MLLT3: variants seen among roughly 807,000 people sequenced by gnomAD.
MLLT3 encodes the protein protein AF-9.
Under a neutral mutation model 53.2 loss-of-function variants are expected in MLLT3, and 4 were observed. That is an observed-to-expected ratio of 0.08 (90% CI 0.04 to 0.17). The LOEUF (loss-of-function observed/expected upper bound fraction) is 0.17, where lower values mean the gene tolerates loss of function less well. Among genes scored for constraint, MLLT3 ranks in the 10% least tolerant of loss-of-function variants. The pLI is 1.00. For synonymous variants in MLLT3, 283 were observed against 230.6 expected, an observed-to-expected ratio of 1.23 and a Z score of -2.06; for missense variants, 569 against 684.0, an observed-to-expected ratio of 0.83 and a Z score of 1.87.
chr9:20,443,203 A>T (rs1229845072), intron 4 of MLLT3, among the ~76,000 whole-genome samples: 1 of 152,122 alleles, frequency 6.6e-6, no homozygotes, highest in Non-Finnish European at 1.5e-5. Flanking sequence ...CCCATAAAAA[A>T]CAACAGAACC....
At chr9:20,575,997 T>C (rs1318671525) in intron 2 of MLLT3, among the ~76,000 whole-genome samples, 1 of 152,202 alleles carries the variant, frequency 6.6e-6, no homozygotes, top group Non-Finnish European at 1.5e-5. Flanking sequence ...TCACCTACAT[T>C]GAAAATCTGT....
intron 2 of MLLT3, among the ~76,000 whole-genome samples, chr9:20,489,636 T>C (rs778432825): frequency 6.6e-6 from 1 of 152,158 alleles, no homozygotes; most frequent in Non-Finnish European, 1.5e-5. Flanking sequence ...ACAACCTATC[T>C]TCAAATACAA....
chr9:20,618,093 T>A (rs1820882585), intron 2 of MLLT3, among the ~76,000 whole-genome samples: 1 of 152,200 alleles, frequency 6.6e-6, no homozygotes, highest in South Asian at 2.1e-4. Flanking sequence ...TGATTTAGAT[T>A]GTCACTATAG....
chr9:20,540,601 G>A (rs540622740), intron 2 of MLLT3, among the ~76,000 whole-genome samples: 2 of 152,332 alleles, frequency 1.3e-5, no homozygotes, highest in South Asian at 4.1e-4. Flanking sequence ...GAGCAGCTGG[G>A]ACACAGGGTG....
chr9:20,608,053 G>C (rs1478497171), intron 2 of MLLT3, among the ~76,000 whole-genome samples: 1 of 151,848 alleles, frequency 6.6e-6, no homozygotes, highest in African/African-American at 2.4e-5. Flanking sequence ...ATCCAAAAAG[G>C]ACCACTTCTT....
At chr9:20,572,152 TAA>T (rs1485647543) in intron 2 of MLLT3, among the ~76,000 whole-genome samples, 1 of 152,004 alleles carries the variant, frequency 6.6e-6, no homozygotes, top group Admixed American at 6.6e-5. Flanking sequence ...ATGTGGAATC[TAA>T]AAAGTCAAAC....
intron 2 of MLLT3, among the ~76,000 whole-genome samples, chr9:20,563,351 A>C (rs370563736): frequency 1.3e-5 from 2 of 152,006 alleles, no homozygotes; most frequent in Non-Finnish European, 2.9e-5. Context: ...CCTTTTATTC[A>C]CTATCTAATC....
At chr9:20,436,326 TAA>T (rs1823402900) in intron 4 of MLLT3, among the ~76,000 whole-genome samples, 1 of 152,206 alleles carries the variant, frequency 6.6e-6, no homozygotes, top group South Asian at 2.1e-4. Context: ...ATGCTGGCTT[TAA>T]AAAGTTTAGG....
rs549308006 is a variant in MLLT3 at position 20,589,780 on chromosome 9, G to A, written c.193+30874C>T. Among the ~76,000 whole-genome samples, 22 of 149,684 alleles carry A rather than the reference G, an allele frequency of 1.5e-4. No homozygotes were observed. In the South Asian group the frequency reaches 2.5e-3, roughly 17 times the overall value. ...GGCTGGAGCACAGTGGTGCAATCTC[G>A]GCTCACTGCAACCTCTGCCTCCTGA... On this transcript the variant is annotated intron_variant, in intron 2 of 10. Coordinates refer to ENST00000380338, the MANE Select transcript of MLLT3 (RefSeq NM_004529.4).
chr9:20,436,406 A>C (rs954869012), intron 4 of MLLT3, among the ~76,000 whole-genome samples: 2 of 152,192 alleles, frequency 1.3e-5, no homozygotes, highest in African/African-American at 2.4e-5. Context: ...GAAATACAGG[A>C]AACTTTAGTC....
intron 2 of MLLT3, among the ~76,000 whole-genome samples, chr9:20,617,139 A>G (rs959718429): frequency 6.6e-6 from 1 of 152,202 alleles, no homozygotes; most frequent in Non-Finnish European, 1.5e-5. Context: ...ATCTATCAGA[A>G]CAGTCACTCA....
intron 8 of MLLT3, among the ~76,000 whole-genome samples, chr9:20,358,909 C>G (rs771523262): frequency 1.2e-4 from 19 of 152,100 alleles, no homozygotes; most frequent in Non-Finnish European, 5.9e-5. Context: ...GTAATCCCAG[C>G]ACTTTGTGAG....
Position 20,414,436 on chromosome 9 carries a change from G to A in MLLT3, c.421-11C>T. On this transcript the variant is annotated splice_polypyrimidine_tract_variant and intron_variant, in intron 4 of 10. Transcript: ENST00000380338. ...ACTCCTATTAGGGTCCTGCAAAAAG[G>A]GGAGAAGAAAATGAAACTCCCAAAA... The A allele has an allele frequency of 6.2e-7, 1 of 1,603,494 alleles. No homozygotes were observed. Among genetic ancestry groups the A allele is most frequent in the South Asian group, 1.1e-5 (1 of 90,860 alleles).
In MLLT3 at chr9:20,448,049, C is replaced by G. The variant is rs1823747512; in HGVS notation, c.420+74G>C. ...CTTATACTTTTTAACACATGAGGAACTAGTTTGTTTGTTTTTTTTTTTGTT... is the reference window on the plus strand; with the variant it reads ...CTTATACTTTTTAACACATGAGGAAGTAGTTTGTTTGTTTTTTTTTTTGTT... On this transcript the variant is annotated intron_variant, in intron 4 of 10. Coordinates refer to ENST00000380338, the MANE Select transcript of MLLT3 (RefSeq NM_004529.4). This position sits in a 1 kb window ranked among gnomAD's most constrained non-coding sequence, Gnocchi z 4.0. The G allele has an allele frequency of 6.7e-7, 1 of 1,484,140 alleles. No homozygotes were observed. The highest frequency in any genetic ancestry group is 1.5e-5 in the African/African-American group (1 of 66,854). 91.9% of individuals were successfully genotyped at this position (1,484,140 alleles called of 1,614,324 possible). A position where few individuals can be genotyped will look rare whatever the true frequency, so the allele number is the denominator to read the frequency against.
intron 2 of MLLT3, among the ~76,000 whole-genome samples, chr9:20,519,797 G>GA (rs1306533223): frequency 1.3e-5 from 2 of 152,100 alleles, no homozygotes; most frequent in African/African-American, 4.8e-5. Context: ...GGTGATTCCT[G>GA]AAAGAACTAA....
intron 4 of MLLT3, among the ~76,000 whole-genome samples, chr9:20,445,204 TA>T (rs1031952390): frequency 2.0e-5 from 3 of 152,166 alleles, no homozygotes; most frequent in Admixed American, 2.0e-4. Flanking sequence ...TCCTATAAAG[TA>T]AATCACTCTG....
Position 20,621,030 on chromosome 9 carries a change from C to G in MLLT3, c.13-196G>C, listed in dbSNP as rs1820989098. Reference sequence around the variant, plus strand: ...AAATATACCCGCCCGCCCGGCCCGGCTTGGCCCCAGGCGCCCCGGGCCCCG... The same window carrying G: ...AAATATACCCGCCCGCCCGGCCCGGGTTGGCCCCAGGCGCCCCGGGCCCCG... On this transcript the variant is annotated intron_variant, in intron 1 of 10. Transcript: ENST00000380338. The surrounding 1 kb of genome is among the most constrained non-coding windows in gnomAD (Gnocchi z 7.0). The G allele has an allele frequency of 1.4e-6, 1 of 732,808 alleles. No individual in the cohort carries two copies. The highest frequency in any genetic ancestry group is 2.4e-6 in the Non-Finnish European group (1 of 418,104). The allele number at this position is 732,808 out of a possible 1,614,324, so 45.4% of individuals were successfully genotyped here.
intron 4 of MLLT3, among the ~76,000 whole-genome samples, chr9:20,439,815 T>G (rs932846012): frequency 2.0e-5 from 3 of 152,206 alleles, no homozygotes; most frequent in African/African-American, 7.2e-5. Context: ...ACAGAGGTTA[T>G]AGTCACCAGA....
chr9:20,607,477 A>C (rs1820599464), intron 2 of MLLT3, among the ~76,000 whole-genome samples: 1 of 152,122 alleles, frequency 6.6e-6, no homozygotes, highest in Non-Finnish European at 1.5e-5. Context: ...TGTCAGCAGA[A>C]CTAAATTAAG....
Sources: gnomAD v4.1 joint callset for allele counts (sites outside exome capture counted in the v4.1 genomes callset) on GRCh38, gnomAD v4.1.1 for gene constraint, Gnocchi (gnomAD v3.1) non-coding constraint, MANE v1.5 for transcripts, NCBI Gene and HGNC (gene_info 2026-07-23, HGNC 2026-07-21) for gene names.